The following ARHGEF7 variants were observed in gnomAD, a reference collection of about 807,000 sequenced individuals.
ARHGEF7 encodes PAK-interacting exchange factor beta.
In ARHGEF7, 33 loss-of-function variants were observed where a neutral mutation model predicts 109.8. The ratio of observed to expected loss-of-function variants is 0.30; its 90% CI spans 0.23 to 0.40. ARHGEF7 has a LOEUF of 0.40. ARHGEF7 is among the 10% of genes least tolerant of loss of function. The probability of loss-of-function intolerance (pLI) is 1.00; values close to 1 mark genes in which losing one functional copy is unlikely to be tolerated. For missense variants in ARHGEF7, 938 were observed against 1,098.5 expected (o/e 0.85, Z 2.07); for synonymous variants, 458 against 424.6 (o/e 1.08, Z -0.97).
At chr13:111,144,957 G>T (rs1286464508) in intron 1 of ARHGEF7, among the ~76,000 whole-genome samples, 1 of 151,946 alleles carries the variant, frequency 6.6e-6, no homozygotes, top group African/African-American at 2.4e-5. Context: ...TCCCCGTAGG[G>T]AACTCTTGTT....
At chr13:111,282,237 A>T (rs2092813079) in intron 15 of ARHGEF7, among the ~76,000 whole-genome samples, 1 of 152,194 alleles carries the variant, frequency 6.6e-6, no homozygotes, top group Non-Finnish European at 1.5e-5. Context: ...GCACTTCCTC[A>T]GAATGCCGGC....
intron 5 of ARHGEF7, among the ~76,000 whole-genome samples, chr13:111,229,431 T>A (rs1319246096): frequency 6.6e-6 from 1 of 152,210 alleles, no homozygotes; most frequent in African/African-American, 2.4e-5. Context: ...AGTGACCATA[T>A]TTATTTGTAG....
At chr13:111,121,804 C>T (rs1453687869) in intron 1 of ARHGEF7, among the ~76,000 whole-genome samples, 5 of 152,200 alleles carry the variant, frequency 3.3e-5, no homozygotes, top group Middle Eastern at 3.4e-3. Context: ...CTGTGACTTC[C>T]GGCACCTGTC....
intron 12 of ARHGEF7, 117 bp from the exon 13 acceptor site, chr13:111,277,470 C>A: frequency 1.6e-6 from 1 of 629,684 alleles, no homozygotes; most frequent in Non-Finnish European, 2.8e-6. Flanking sequence ...AATACCTAAA[C>A]GAGAAATATC....
At chr13:111,133,363 T>G (rs997406780) in intron 1 of ARHGEF7, among the ~76,000 whole-genome samples, 12 of 152,164 alleles carry the variant, frequency 7.9e-5, no homozygotes, top group African/African-American at 2.7e-4. Flanking sequence ...TAAACATACT[T>G]GAACACGTGC....
intron 8 of ARHGEF7, among the ~76,000 whole-genome samples, chr13:111,250,146 C>T (rs991081903): frequency 3.9e-5 from 6 of 152,222 alleles, no homozygotes; most frequent in Non-Finnish European, 7.3e-5. Flanking sequence ...GGGCTCCTTG[C>T]AAGCATGCTT....
chr13:111,225,171 C>G (rs769850541), intron 5 of ARHGEF7, among the ~76,000 whole-genome samples: 2 of 152,176 alleles, frequency 1.3e-5, no homozygotes, highest in African/African-American at 2.4e-5. Context: ...TTCAGGAGCA[C>G]GTCCCATAGA....
rs550636485 is a variant in ARHGEF7 at position 111,133,179 on chromosome 13, G to C, written c.165+17488G>C. Among the ~76,000 whole-genome samples the C allele has an allele frequency of 2.0e-5, 3 of 151,878 alleles. No homozygotes were observed. The East Asian group carries it at 5.8e-4, about 29-fold the overall frequency. On this transcript the variant is annotated intron_variant, in intron 1 of 21. Transcript: ENST00000646102. Reference sequence around the variant, plus strand: ...TGTATATATGTGTATATATGTGCACGTGTATGTATGTGTATATATGCGTGT... The same window carrying C: ...TGTATATATGTGTATATATGTGCACCTGTATGTATGTGTATATATGCGTGT...
At chr13:111,194,677 C>A (rs1233201759) in intron 2 of ARHGEF7, among the ~76,000 whole-genome samples, 1 of 152,224 alleles carries the variant, frequency 6.6e-6, no homozygotes, top group Non-Finnish European at 1.5e-5. Flanking sequence ...AGTAAATCAT[C>A]CACATGCTGA....
rs1235973344 is a variant in ARHGEF7, at chr13:111,258,413, G to A, written c.951-9135G>A. Among the ~76,000 whole-genome samples the A allele has an allele frequency of 6.6e-6, 1 of 152,238 alleles. No individual in the cohort carries two copies. The highest frequency in any genetic ancestry group is 1.5e-5 in the Non-Finnish European group (1 of 68,038). On this transcript the variant is annotated intron_variant, in intron 8 of 21. Transcript: ENST00000646102. The surrounding 1 kb of genome is among the most constrained non-coding windows in gnomAD (Gnocchi z 4.4). The stretch of plus-strand genomic sequence containing the variant: ...GTCTTGCAGCTTGGATACCAGCTCA[G>A]CCACAGCAGGATAGAGCATCAGGCA...
chr13:111,117,362 G>A (rs1345760086), intron 1 of ARHGEF7, among the ~76,000 whole-genome samples: 5 of 152,196 alleles, frequency 3.3e-5, no homozygotes, highest in Admixed American at 3.3e-4. Context: ...AAAATGTTGA[G>A]CTTGCAGAAG....
intron 2 of ARHGEF7, among the ~76,000 whole-genome samples, chr13:111,169,510 G>T (rs982803136): frequency 3.3e-5 from 5 of 152,042 alleles, no homozygotes; most frequent in Non-Finnish European, 7.4e-5. Flanking sequence ...ATCATCACGA[G>T]AACAGCACCA....
At chr13:111,282,979 C>G in intron 15 of ARHGEF7, 160 bp from the exon 16 acceptor site, 3 of 1,066,546 alleles carry the variant, frequency 2.8e-6, no homozygotes, top group Non-Finnish European at 4.0e-6. Flanking sequence ...GCCCCAAAAA[C>G]TGACTGCTGA....
chr13:111,215,753 TTAAC>T (rs1357321251), intron 4 of ARHGEF7, among the ~76,000 whole-genome samples: 2 of 152,216 alleles, frequency 1.3e-5, no homozygotes, highest in Non-Finnish European at 2.9e-5. Flanking sequence ...CTCTTCCCGA[TTAAC>T]TAAGCTCTTG....
At position 111,277,616 on chromosome 13, in the gene ARHGEF7, C is replaced by T. The variant is rs747982321; in HGVS notation, c.1449C>T (p.Phe483=). Residue 483 remains phenylalanine (F), a synonymous_variant, in exon 13 of 22, where the codon TTC becomes TTT. Coordinates refer to ENST00000646102, the MANE Select transcript of ARHGEF7 (RefSeq NM_001354046.2). ...EEKNERYLLL[F]PNVLLMLSAS... is the part of the protein sequence containing the mutation. Reference sequence around the variant, plus strand: ...AGAATGAAAGATATCTTCTACTCTTCCCAAATGTTTTGCTAATGTTGTCTG... The same window carrying T: ...AGAATGAAAGATATCTTCTACTCTTTCCAAATGTTTTGCTAATGTTGTCTG... 1 of 1,607,522 alleles carries T rather than the reference C, an allele frequency of 6.2e-7. No homozygotes were observed. Among genetic ancestry groups the T allele is most frequent in the Non-Finnish European group, 8.5e-7 (1 of 1,174,414 alleles).
At chr13:111,252,127 A>G (rs573260092) in intron 8 of ARHGEF7, among the ~76,000 whole-genome samples, 19 of 152,340 alleles carry the variant, frequency 1.2e-4, no homozygotes, top group African/African-American at 4.1e-4. Context: ...ATTCCATAGA[A>G]AGCACTAGTT....
chr13:111,197,568 A>G (rs2080683597), intron 2 of ARHGEF7, among the ~76,000 whole-genome samples: 1 of 152,220 alleles, frequency 6.6e-6, no homozygotes, highest in South Asian at 2.1e-4. Flanking sequence ...GTGGAGGGCC[A>G]TACCCTGAGG....
At chr13:111,149,360 A>G (rs2075777593) in intron 1 of ARHGEF7, among the ~76,000 whole-genome samples, 1 of 152,230 alleles carries the variant, frequency 6.6e-6, no homozygotes, top group Non-Finnish European at 1.5e-5. Flanking sequence ...TTGTGTACTC[A>G]TAATAGTTGT....
At chr13:111,252,915 A>G (rs1655963960) in intron 8 of ARHGEF7, among the ~76,000 whole-genome samples, 1 of 152,224 alleles carries the variant, frequency 6.6e-6, no homozygotes, top group African/African-American at 2.4e-5. Flanking sequence ...TTCAGTTGGC[A>G]GTGCTTTTCG....
Sources: gnomAD v4.1 joint callset for allele counts (sites outside exome capture counted in the v4.1 genomes callset) on GRCh38, gnomAD v4.1.1 for gene constraint, Gnocchi (gnomAD v3.1) non-coding constraint, MANE v1.5 for transcripts, NCBI Gene and HGNC (gene_info 2026-07-23, HGNC 2026-07-21) for gene names.